The following RYR2 variants were observed in gnomAD, a reference collection of about 807,000 sequenced individuals.
RYR2 encodes the protein ryanodine receptor 2.
RYR2 carries 227 observed loss-of-function variants against 601.1 expected under a neutral mutation model. The ratio of observed to expected loss-of-function variants is 0.38; its 90% confidence interval spans 0.34 to 0.42. RYR2 has a LOEUF of 0.42. Among genes scored for constraint, RYR2 ranks in the 10% least tolerant of loss-of-function variants. The pLI is 1.00. For missense variants in RYR2, 4,646 were observed against 6,156.5 expected, an observed-to-expected ratio of 0.75 and a Z score of 8.21; for synonymous variants, 2,223 against 2,175.1, an observed-to-expected ratio of 1.02 and a Z score of -0.61.
chr1:237,690,989 T>A (rs964157389), intron 63 of RYR2, among the ~76,000 whole-genome samples: 3 of 152,232 alleles, frequency 2.0e-5, no homozygotes, highest in African/African-American at 7.2e-5. Context: ...CTTGTTTGTA[T>A]ATGGTCATAT....
chr1:237,124,767 CT>C (rs1041970227), intron 1 of RYR2, among the ~76,000 whole-genome samples: 2 of 151,382 alleles, frequency 1.3e-5, no homozygotes, highest in Admixed American at 6.6e-5. Context: ...GATGTGGGCC[CT>C]TTTTTTTGGT....
At chr1:237,465,298 G>T (rs952165033) in intron 16 of RYR2, among the ~76,000 whole-genome samples, 2 of 151,958 alleles carry the variant, frequency 1.3e-5, no homozygotes, top group African/African-American at 4.8e-5. Flanking sequence ...CTAATGTATT[G>T]CTAAATTTGA....
At chr1:237,789,949 C>G (rs1200914811) in intron 92 of RYR2, among the ~76,000 whole-genome samples, 1 of 152,154 alleles carries the variant, frequency 6.6e-6, no homozygotes, top group African/African-American at 2.4e-5. Context: ...CAGCCTTGTT[C>G]TAATAAGCTC....
chr1:237,370,232 AC>A (rs958430042), intron 6 of RYR2, among the ~76,000 whole-genome samples: 13 of 152,108 alleles, frequency 8.5e-5, no homozygotes, highest in African/African-American at 3.1e-4. Flanking sequence ...CTTGAACAAC[AC>A]AGGAGTTAGG....
intron 94 of RYR2, among the ~76,000 whole-genome samples, chr1:237,793,043 A>G (rs1286341030): frequency 6.6e-6 from 1 of 152,214 alleles, no homozygotes; most frequent in Non-Finnish European, 1.5e-5. Flanking sequence ...AGGGCTGCCC[A>G]TTACCTGTCC....
intron 1 of RYR2, among the ~76,000 whole-genome samples, chr1:237,202,066 C>T (rs1681256850): frequency 6.6e-6 from 1 of 152,116 alleles, no homozygotes; most frequent in African/African-American, 2.4e-5. Flanking sequence ...TAGACAGAAA[C>T]CTTAATGTAG....
intron 2 of RYR2, among the ~76,000 whole-genome samples, chr1:237,308,713 C>A (rs1572550846): frequency 6.6e-6 from 1 of 152,148 alleles, no homozygotes; most frequent in African/African-American, 2.4e-5. Context: ...CAGTGCAGAC[C>A]CAAAGAGTGA....
chr1:237,538,781 A>T (rs12745941), intron 25 of RYR2, among the ~76,000 whole-genome samples: 4 of 14,050 alleles, frequency 2.8e-4, no homozygotes, highest in South Asian at 2.9e-3. Flanking sequence ...AATAAAAAAA[A>T]TTAAAAAAAA....
At position 237,733,697 on chromosome 1, in the gene RYR2, T is replaced by C. The variant is rs1346619924; in HGVS notation, c.11040-8T>C. 3.7e-6 allele frequency: 6 copies of C among 1,604,526 alleles called. No homozygotes were observed. In the East Asian group the frequency reaches 1.3e-4, roughly 36 times the overall value. ...TAAACACTGATGTTTTCTTCTTGCTTTCCCCAGCAAACTGGAGGAAGATTT... is the reference window on the plus strand; with the variant it reads ...TAAACACTGATGTTTTCTTCTTGCTCTCCCCAGCAAACTGGAGGAAGATTT... On this transcript the variant is annotated splice_polypyrimidine_tract_variant and splice_region_variant and intron_variant, in intron 78 of 104. Transcript: ENST00000366574.
chr1:237,495,122 A>G (rs925439669), intron 19 of RYR2, among the ~76,000 whole-genome samples: 1 of 152,174 alleles, frequency 6.6e-6, no homozygotes, highest in African/African-American at 2.4e-5. Flanking sequence ...ATATACATAT[A>G]TACTTATTGC....
intron 1 of RYR2, among the ~76,000 whole-genome samples, chr1:237,155,571 GT>G: frequency 6.6e-6 from 1 of 152,298 alleles, no homozygotes; most frequent in Admixed American, 6.5e-5. Flanking sequence ...GATACTTCCA[GT>G]TTTGTATTGG....
At chr1:237,439,701 G>A (rs1044485208) in intron 12 of RYR2, among the ~76,000 whole-genome samples, 4 of 151,572 alleles carry the variant, frequency 2.6e-5, no homozygotes, top group African/African-American at 4.8e-5. Context: ...ATCCAGAGAC[G>A]GATGTGAAAT....
At chr1:237,719,025 A>G (rs903671435) in intron 73 of RYR2, among the ~76,000 whole-genome samples, 15 of 152,130 alleles carry the variant, frequency 9.9e-5, no homozygotes, top group South Asian at 6.2e-4. Flanking sequence ...ACAGTTTGGG[A>G]GGCTGAGGCA....
At chr1:237,405,274 C>T (rs923286480) in intron 10 of RYR2, among the ~76,000 whole-genome samples, 4 of 152,172 alleles carry the variant, frequency 2.6e-5, no homozygotes, top group Non-Finnish European at 5.9e-5. Context: ...GGAGGAAAAC[C>T]TGGAAAGAGT....
chr1:237,802,115 T>G (rs760543406), intron 98 of RYR2, 199 bp downstream of exon 98: 4 of 383,900 alleles, frequency 1.0e-5, no homozygotes, highest in Non-Finnish European at 1.4e-5. Flanking sequence ...ATAGCTGAAA[T>G]AGTAAAATGA....
chr1:237,444,380 T>C (rs111919961), intron 13 of RYR2, among the ~76,000 whole-genome samples: 4,629 of 152,290 alleles, frequency 0.03, 96 homozygotes, highest in Non-Finnish European at 0.052. Context: ...ATTTTGCCTT[T>C]GAATATAGAT....
At chr1:237,416,550 A>G (rs769242280) in intron 10 of RYR2, among the ~76,000 whole-genome samples, 17 of 152,208 alleles carry the variant, frequency 1.1e-4, no homozygotes, top group Non-Finnish European at 2.5e-4. Flanking sequence ...CTGTGTTAAA[A>G]TATTAAGAAT....
At chr1:237,258,449 A>C (rs554911731) in intron 1 of RYR2, among the ~76,000 whole-genome samples, 1 of 152,276 alleles carries the variant, frequency 6.6e-6, no homozygotes, top group South Asian at 2.1e-4. Flanking sequence ...GGCATTCATT[A>C]CTGTTTGCTT....
intron 63 of RYR2, 104 bp downstream of exon 63, chr1:237,687,608 A>G (rs1686544893): frequency 3.5e-6 from 3 of 853,264 alleles, no homozygotes; most frequent in East Asian, 2.6e-5. Context: ...GCATGTTTGC[A>G]TGGCTGCATG....
Sources: gnomAD v4.1 joint callset for allele counts (sites outside exome capture counted in the v4.1 genomes callset) on GRCh38, gnomAD v4.1.1 for gene constraint, MANE v1.5 for transcripts, NCBI Gene and HGNC (gene_info 2026-07-23, HGNC 2026-07-21) for gene names.